The following D2HGDH variants were observed in gnomAD, a reference collection of about 807,000 sequenced individuals.
The protein encoded by D2HGDH is D-2-hydroxyglutarate dehydrogenase, also known as D-2-hydroxyglutarate dehydrogenase, mitochondrial.
In D2HGDH, 31 loss-of-function variants were observed where a neutral mutation model predicts 46.9. That is an observed-to-expected ratio of 0.66 (90% CI 0.50 to 0.89). D2HGDH has a LOEUF of 0.89. Among genes scored for constraint, D2HGDH ranks in the 40% least tolerant of loss-of-function variants. The pLI, the probability that D2HGDH is intolerant of heterozygous loss-of-function variation, is 0.00. For missense variants in D2HGDH, 698 were observed against 720.8 expected (o/e 0.97, Z 0.36); for synonymous variants, 364 against 332.6 (o/e 1.09, Z -1.03).
chr2:241,762,696 G>C (rs983624131), intron 9 of D2HGDH, among the ~76,000 whole-genome samples: 1 of 152,168 alleles, frequency 6.6e-6, no homozygotes, highest in Non-Finnish European at 1.5e-5. Context: ...CCAGCTTGGC[G>C]TTCTCTGCCG....
chr2:241,759,697 T>G (rs1332847792), intron 9 of D2HGDH, among the ~76,000 whole-genome samples: 1 of 152,254 alleles, frequency 6.6e-6, no homozygotes, highest in African/African-American at 2.4e-5. Context: ...ACTTCTTGTC[T>G]ATTTTTTCCT....
chr2:241,767,930 C>T lies in D2HGDH; in HGVS notation c.1527C>T (p.Gly509=). The T allele has an allele frequency of 6.3e-7, 1 of 1,599,788 alleles. No homozygotes were observed. The highest frequency in any genetic ancestry group is 8.5e-7 in the Non-Finnish European group (1 of 1,174,538). Residue 509 remains glycine (G), a synonymous_variant, in exon 10 of 10, where the codon GGC becomes GGT. Transcript: ENST00000321264. ...QQLKALLDPK[G]ILNPYKTLPS... is the part of the protein sequence containing the mutation. ...TCAAGGCCCTGCTGGACCCCAAGGG[C>T]ATCCTCAACCCCTACAAGACGCTGC... is the stretch of plus-strand genomic sequence containing the variant.
At chr2:241,750,398 C>CGGGGGGG in intron 7 of D2HGDH, 104 bp downstream of exon 7, 19 of 171,674 alleles carry the variant, frequency 1.1e-4, no homozygotes, top group Non-Finnish European at 1.4e-4. Context: ...GGTGCCCGGG[C>CGGGGGGG]GGGCGGGTGG....
At chr2:241,738,593 G>A (rs748789766) in intron 2 of D2HGDH, among the ~76,000 whole-genome samples, 4 of 152,216 alleles carry the variant, frequency 2.6e-5, no homozygotes, top group East Asian at 3.8e-4. Context: ...GGGTGACCAC[G>A]CTCTTCCTCT....
At chr2:241,758,511 G>A (rs1003956350) in intron 9 of D2HGDH, among the ~76,000 whole-genome samples, 1 of 151,966 alleles carries the variant, frequency 6.6e-6, no homozygotes, top group African/African-American at 2.4e-5. Flanking sequence ...ACAGGGTCTC[G>A]CTGTCACCCA....
At chr2:241,739,455 G>A (rs1473094169) in intron 2 of D2HGDH, among the ~76,000 whole-genome samples, 1 of 152,352 alleles carries the variant, frequency 6.6e-6, no homozygotes, top group East Asian at 1.9e-4. Context: ...AGGCCCCTCT[G>A]CAAAAATTGC....
intron 8 of D2HGDH, 36 bp downstream of exon 8, chr2:241,751,424 G>T (rs2125140645): frequency 6.2e-7 from 1 of 1,610,336 alleles, no homozygotes; most frequent in East Asian, 2.2e-5. Context: ...CCCGCTCTCT[G>T]TCCGTCCAGT....
chr2:241,767,619 G>C, intron 9 of D2HGDH, 91 bp from the exon 10 acceptor site: 1 of 1,583,164 alleles, frequency 6.3e-7, no homozygotes, highest in Middle Eastern at 2.0e-4. Context: ...GGGGTTGCTG[G>C]GGAGGGGATC....
chr2:241,755,365 C>T (rs1438872247), intron 8 of D2HGDH: 4 of 1,304,014 alleles, frequency 3.1e-6, no homozygotes, highest in South Asian at 1.2e-5. Context: ...GACTCTGCGC[C>T]CCCTTCCCTA....
rs149429181 is a variant in D2HGDH at position 241,743,460 on chromosome 2, G to A, written c.491-162G>A. On this transcript the variant is annotated intron_variant, in intron 4 of 9. Transcript: ENST00000321264. This position sits in a 1 kb window ranked among gnomAD's most constrained non-coding sequence, Gnocchi z 4.8. ...GGTCCTGTGAGGCCCAGATGTTTTC[G>A]TCCTTGGGCCAGCGATGTGGGGGTG... 1.2e-3 allele frequency among the ~76,000 whole-genome samples: 180 copies of A among 151,826 alleles called. 5 individuals carry two copies. In the East Asian group the frequency reaches 0.027, roughly 23 times the overall value.
Position 241,743,678 on chromosome 2 carries a change from G to T in D2HGDH, c.547G>T (p.Glu183Ter). The change falls in exon 5 of 10, where the codon GAA (glutamate) becomes TAA (stop). Residue 183 changes from glutamate (E) to a stop codon, truncating the protein, a stop_gained. Transcript: ENST00000321264. LOFTEE classifies it high-confidence loss of function. The surrounding 1 kb of genome is among the most constrained non-coding windows in gnomAD (Gnocchi z 4.8). ...GGAGGAGCTGAGCCGGTATGTGGAG[G>T]AACGGGACTTCATCATGCCGCTGGA... Reference protein sequence around the residue: ...VLEELSRYVEERDFIMPLDLG... With the variant: ...VLEELSRYVE The T allele has an allele frequency of 6.2e-7, 1 of 1,614,030 alleles. No homozygotes were observed. Among genetic ancestry groups the T allele is most frequent in the African/African-American group, 1.3e-5 (1 of 75,052 alleles).
chr2:241,756,139 TAGACACTGGC>T, intron 9 of D2HGDH, 125 bp downstream of exon 9: 2 of 1,340,176 alleles, frequency 1.5e-6, no homozygotes, highest in Non-Finnish European at 2.0e-6. Flanking sequence ...ATATCTCCCG[TAGACACTGGC>T]AGGACCACGG....
chr2:241,748,372 C>T (rs557826651), intron 6 of D2HGDH, among the ~76,000 whole-genome samples: 126 of 152,100 alleles, frequency 8.3e-4, no homozygotes, highest in Non-Finnish European at 1.5e-3. Context: ...CTGCCCGCCT[C>T]GGCCTCCCAA....
At chr2:241,744,407 G>A (rs1465325237) in intron 5 of D2HGDH, among the ~76,000 whole-genome samples, 1 of 152,210 alleles carries the variant, frequency 6.6e-6, no homozygotes, top group Non-Finnish European at 1.5e-5. Flanking sequence ...CACAGGACTC[G>A]GAGAGGCCCA....
chr2:241,737,553 G>C (rs911032289), intron 2 of D2HGDH, among the ~76,000 whole-genome samples: 1 of 152,106 alleles, frequency 6.6e-6, no homozygotes, highest in East Asian at 1.9e-4. Flanking sequence ...GCAGTGGCAC[G>C]ATCTCCCCTT....
chr2:241,757,115 A>G (rs1004916180), intron 9 of D2HGDH, among the ~76,000 whole-genome samples: 2 of 152,250 alleles, frequency 1.3e-5, no homozygotes, highest in African/African-American at 4.8e-5. Flanking sequence ...CCCAGGCATT[A>G]TTCTAAGCAC....
intron 6 of D2HGDH, among the ~76,000 whole-genome samples, chr2:241,748,112 C>T (rs1696352906): frequency 7.2e-6 from 1 of 138,554 alleles, no homozygotes; most frequent in Non-Finnish European, 1.5e-5. Context: ...TCTTGATGCT[C>T]TTCAGCGTTT....
Position 241,763,974 on chromosome 2 carries a change from C to G in D2HGDH, c.1307-3736C>G, listed in dbSNP as rs150219301. On this transcript the variant is annotated intron_variant, in intron 9 of 9. Transcript: ENST00000321264. ...CAGAGGTGGGAGGACTGACTGAGCA[C>G]AGGAGGTTGAAGTGTGAGCCACGAT... Among the ~76,000 whole-genome samples the G allele has an allele frequency of 2.7e-3, 406 of 152,336 alleles. 13 individuals are homozygous for G. In the East Asian group the frequency reaches 0.06, roughly 22 times the overall value.
At chr2:241,746,425 A>T (rs1695876773) in intron 6 of D2HGDH, among the ~76,000 whole-genome samples, 1 of 152,180 alleles carries the variant, frequency 6.6e-6, no homozygotes, top group African/African-American at 2.4e-5. Context: ...CTGCAATGTT[A>T]CTTTTTATAG....
Sources: allele counts gnomAD v4.1 joint callset (sites outside exome capture counted in the v4.1 genomes callset), GRCh38; gene constraint gnomAD v4.1.1; non-coding constraint Gnocchi (gnomAD v3.1); transcripts MANE v1.5; gene names NCBI Gene and HGNC (gene_info 2026-07-23, HGNC 2026-07-21).